HEG1: variants seen among roughly 807,000 people sequenced by gnomAD.
The protein encoded by HEG1 is heart development protein with EGF like domains 1.
In HEG1, 56 loss-of-function variants were observed where a neutral mutation model predicts 125.6. The observed-to-expected ratio is 0.45, with a 90% CI of 0.36 to 0.56. The LOEUF is 0.56. Ranked by LOEUF, HEG1 falls within the 20% of genes least tolerant of loss-of-function variation. HEG1 has a pLI of 0.00. For synonymous variants in HEG1, 644 were observed against 668.5 expected, an observed-to-expected ratio of 0.96 and a Z score of 0.57; for missense variants, 1,523 against 1,670.0, an observed-to-expected ratio of 0.91 and a Z score of 1.53.
At chr3:125,047,691 C>A (rs1341196653) in intron 1 of HEG1, among the ~76,000 whole-genome samples, 2 of 152,238 alleles carry the variant, frequency 1.3e-5, no homozygotes, top group Non-Finnish European at 2.9e-5. Context: ...CATCTCCTAT[C>A]ACCCAGAAAA....
chr3:125,013,010 G>C lies in HEG1; in HGVS notation c.2569C>G (p.Pro857Ala). ...GATGCTGTGCTTGACAGGGTGCCAG[G>C]AGTGGTCATAAGAGGCTGAGAGGTC... ...LKTSQPLMTT[P>A]GTLSSTASLV... is the part of the protein sequence containing the mutation. The change falls in exon 6 of 17, where the codon CCT (proline) becomes GCT (alanine). Residue 857 changes from proline (P) to alanine (A), a missense_variant. By Grantham distance (27) the Pro-to-Ala change is conservative (BLOSUM62 -1). Coordinates refer to ENST00000311127, the MANE Select transcript of HEG1 (RefSeq NM_020733.2). 2 of 1,614,078 alleles carry C rather than the reference G, an allele frequency of 1.2e-6. No homozygotes were observed. The highest frequency in any genetic ancestry group is 3.3e-4 in the Middle Eastern group (2 of 6,062).
intron 9 of HEG1, 77 bp from the exon 10 acceptor site, chr3:125,002,392 A>G (rs1937014441): frequency 1.6e-6 from 2 of 1,256,438 alleles, no homozygotes; most frequent in Admixed American, 2.0e-5. Context: ...TCCTATTTTC[A>G]GGATAAAACA....
chr3:125,012,095 C>T lies in HEG1; in HGVS notation c.2956+528G>A, dbSNP rs186980665. Among the ~76,000 whole-genome samples, 489 of 152,324 alleles carry T rather than the reference C, an allele frequency of 3.2e-3. 2 individuals carry two copies. The highest frequency in any genetic ancestry group is 0.011 in the Admixed American group (166 of 15,306). ...ACACACTCTTTCGGAGACAAAGGAGCTTGGGCTTCCCTGGATCAAGAGAAG... is the reference window on the plus strand; with the variant it reads ...ACACACTCTTTCGGAGACAAAGGAGTTTGGGCTTCCCTGGATCAAGAGAAG... On this transcript the variant is annotated intron_variant, in intron 6 of 16. Transcript: ENST00000311127.
chr3:125,010,319 A>C, intron 7 of HEG1, 120 bp downstream of exon 7: 2 of 618,132 alleles, frequency 3.2e-6, no homozygotes, highest in East Asian at 5.6e-5. Flanking sequence ...CTGACTCTCA[A>C]GTAAGCAGGG....
intron 14 of HEG1, among the ~76,000 whole-genome samples, chr3:124,978,306 C>A (rs1382651458): frequency 4.6e-5 from 7 of 152,160 alleles, no homozygotes; most frequent in African/African-American, 1.4e-4. Flanking sequence ...TGCCACCAGG[C>A]CCGGCTAATT....
At chr3:124,993,489 T>A (rs1310784025) in intron 12 of HEG1, among the ~76,000 whole-genome samples, 2 of 152,126 alleles carry the variant, frequency 1.3e-5, no homozygotes, top group East Asian at 3.9e-4. Context: ...CTCTCCCATG[T>A]CTGGTGGCCC....
At chr3:124,999,930 A>G (rs769821001) in intron 11 of HEG1, among the ~76,000 whole-genome samples, 2 of 152,202 alleles carry the variant, frequency 1.3e-5, no homozygotes, top group Non-Finnish European at 2.9e-5. Flanking sequence ...TGGATATTTT[A>G]TGAAGTGAAG....
intron 12 of HEG1, among the ~76,000 whole-genome samples, chr3:124,993,807 G>A (rs1490741294): frequency 6.6e-6 from 1 of 152,190 alleles, no homozygotes; most frequent in Non-Finnish European, 1.5e-5. Flanking sequence ...TCCATCTGTT[G>A]TCCTGCCCGC....
rs553049036 is a variant in HEG1, at chr3:124,996,155, G to A, written c.3652+1534C>T. On this transcript the variant is annotated intron_variant, in intron 12 of 16. Transcript: ENST00000311127. ...GCAGTGGTGCAATGGTGTGATTTCG[G>A]CTCACTGCAACCTCCACTCCCCGGG... 2.6e-5 allele frequency among the ~76,000 whole-genome samples: 4 copies of A among 151,912 alleles called. No individual in the cohort carries two copies. The East Asian group carries it at 7.7e-4, about 29-fold the overall frequency.
At position 124,966,101 on chromosome 3, in the gene HEG1, T is replaced by C. The variant is rs1267633972; in HGVS notation, c.*4551A>G. Reference sequence around the variant, plus strand: ...ATACAGAAAGGTAAATGATTCGGATTAGTTTCCCAGGCAGAACTGACTCCA... The same window carrying C: ...ATACAGAAAGGTAAATGATTCGGATCAGTTTCCCAGGCAGAACTGACTCCA... On this transcript the variant is annotated 3_prime_UTR_variant, in exon 17 of 17. Coordinates refer to ENST00000311127, the MANE Select transcript of HEG1 (RefSeq NM_020733.2). The C allele has an allele frequency of 6.6e-6, 1 of 152,248 alleles. No homozygotes were observed. Among genetic ancestry groups the C allele is most frequent in the East Asian group, 1.9e-4 (1 of 5,204 alleles). 9.4% of individuals were successfully genotyped at this position (152,248 alleles called of 1,614,324 possible). A position where few individuals can be genotyped will look rare whatever the true frequency, so the allele number is the denominator to read the frequency against.
rs1491140062 is a variant in HEG1 at position 125,035,251 on chromosome 3, A to AC, written c.317-5764_317-5763insG. 8.2e-3 allele frequency among the ~76,000 whole-genome samples: 1,178 copies of AC among 143,936 alleles called. 13 individuals are homozygous for AC. Among genetic ancestry groups the AC allele is most frequent in the African/African-American group, 0.027 (1,118 of 41,198 alleles). The allele number at this position is 143,936 out of a possible 152,430, so 94.4% of individuals were successfully genotyped here. A position where few individuals can be genotyped will look rare whatever the true frequency, so the allele number is the denominator to read the frequency against. The stretch of plus-strand genomic sequence containing the variant: ...AAAGTGTGGGGCTTACAGAAGTGGT[A>AC]ATATTTTAAAAGGTAATGGCTGGAA... On this transcript the variant is annotated intron_variant, in intron 1 of 16. Transcript: ENST00000311127.
intron 5 of HEG1, among the ~76,000 whole-genome samples, chr3:125,016,964 T>A (rs948619064): frequency 6.6e-5 from 10 of 152,200 alleles, no homozygotes; most frequent in African/African-American, 2.2e-4. Context: ...CTACAAATGA[T>A]TCCATCAAGA....
At position 124,994,993 on chromosome 3, in the gene HEG1, T is replaced by G. The variant is rs528958893; in HGVS notation, c.3652+2696A>C. Reference sequence around the variant, plus strand: ...GGCAGTCGGATTAAAGAAAGAGACATGCAAACAGGTTGTGAGAATTCATTG... The same window carrying G: ...GGCAGTCGGATTAAAGAAAGAGACAGGCAAACAGGTTGTGAGAATTCATTG... On this transcript the variant is annotated intron_variant, in intron 12 of 16. Coordinates refer to ENST00000311127, the MANE Select transcript of HEG1 (RefSeq NM_020733.2). Among the ~76,000 whole-genome samples, 5 of 152,312 alleles carry G rather than the reference T, an allele frequency of 3.3e-5. No individual in the cohort carries two copies. The East Asian group carries it at 9.7e-4, about 29-fold the overall frequency.
chr3:125,045,708 C>T (rs1937652481), intron 1 of HEG1, among the ~76,000 whole-genome samples: 1 of 152,216 alleles, frequency 6.6e-6, no homozygotes, highest in Non-Finnish European at 1.5e-5. Flanking sequence ...TGATGCCTGA[C>T]TCTCTTAGAG....
intron 16 of HEG1, among the ~76,000 whole-genome samples, chr3:124,973,202 G>T (rs6438863): frequency 0.33 from 50,060 of 151,464 alleles, 8,379 homozygotes; most frequent in African/African-American, 0.37. Flanking sequence ...TTTGTAGAGA[G>T]GAGCACGGTT....
At chr3:125,001,630 A>C (rs1033211460) in intron 11 of HEG1, among the ~76,000 whole-genome samples, 1 of 152,212 alleles carries the variant, frequency 6.6e-6, no homozygotes, top group Non-Finnish European at 1.5e-5. Flanking sequence ...AGGTGTCTTC[A>C]AGGCTTGTGT....
intron 1 of HEG1, among the ~76,000 whole-genome samples, chr3:125,048,557 A>C (rs1937731645): frequency 6.6e-6 from 1 of 152,248 alleles, no homozygotes; most frequent in African/African-American, 2.4e-5. Flanking sequence ...GGCATGTATT[A>C]ACAACTGTCT....
chr3:125,003,900 T>C (rs1422351796), intron 9 of HEG1, among the ~76,000 whole-genome samples: 3 of 152,224 alleles, frequency 2.0e-5, no homozygotes, highest in Non-Finnish European at 2.9e-5. Context: ...TAATAAACCG[T>C]AGCTGTTAAT....
In HEG1 at chr3:125,010,550, T is replaced by A; in HGVS notation, c.2962A>T (p.Ser988Cys). Residue 988 changes from serine (S) to cysteine (C), a missense_variant, in exon 7 of 17, where the codon AGC becomes TGC. By Grantham distance (112) the Ser-to-Cys change is moderately radical. Transcript: ENST00000311127. ...TTVSSSASVN[S>C]CAVNPCLHNG... ...TGAAGACAAGGGTTCACAGCACAGCTGTTGACTACAAACACATTCCAGGAG... is the reference window on the plus strand; with the variant it reads ...TGAAGACAAGGGTTCACAGCACAGCAGTTGACTACAAACACATTCCAGGAG... 6.5e-7 allele frequency: 1 copy of A among 1,549,522 alleles called. No homozygotes were observed. The highest frequency in any genetic ancestry group is 8.7e-7 in the Non-Finnish European group (1 of 1,144,416).
Sources: allele counts gnomAD v4.1 joint callset (sites outside exome capture counted in the v4.1 genomes callset), GRCh38; gene constraint gnomAD v4.1.1; transcripts MANE v1.5; gene names NCBI Gene and HGNC (gene_info 2026-07-23, HGNC 2026-07-21).